The following PKD1 variants were observed in gnomAD, a reference collection of about 807,000 sequenced individuals.
The protein encoded by PKD1 is polycystin 1, transient receptor potential channel interacting, also known as polycystin-1.
A neutral mutation model predicts 361.7 loss-of-function variants in PKD1; 81 were observed. That is an observed-to-expected ratio of 0.22 (90% CI 0.19 to 0.27). The LOEUF (loss-of-function observed/expected upper bound fraction) is 0.27, where lower values mean the gene tolerates loss of function less well. PKD1 is among the 10% of genes least tolerant of loss of function. The pLI is 1.00. For missense variants in PKD1, 6,399 were observed against 6,118.3 expected (o/e 1.05, Z -1.53); for synonymous variants, 3,615 against 2,818.3 (o/e 1.28, Z -8.95).
Position 2,106,450 on chromosome 16 carries a change from G to C in PKD1, c.7437C>G (p.Phe2479Leu), listed in dbSNP as rs763775092. Residue 2479 changes from phenylalanine to leucine, a missense_variant, in exon 18 of 46, where the codon TTC becomes TTG. By Grantham distance (22) the Phe-to-Leu change is conservative. Coordinates refer to ENST00000262304, the MANE Select transcript of PKD1 (RefSeq NM_001009944.3). This position sits in a 1 kb window ranked among gnomAD's most constrained non-coding sequence, Gnocchi z 6.5. Reference protein sequence around the residue: ...RPPLGGSCRLFPLGAVHALTT... With the variant: ...RPPLGGSCRLLPLGAVHALTT... ...TGAGGGCGTGCACAGCGCCCAGTGG[G>C]AAGAGGCGGCAAGAGCCCCCCAGCG... The C allele has an allele frequency of 6.3e-7, 1 of 1,590,788 alleles. No homozygotes were observed. The highest frequency in any genetic ancestry group is 1.7e-5 in the Admixed American group (1 of 58,404).
intron 30 of PKD1, chr16:2,098,240 T>C (rs1299460160): frequency 1.1e-5 from 6 of 551,620 alleles, no homozygotes; most frequent in Non-Finnish European, 2.0e-5. Flanking sequence ...AGATGGAGTC[T>C]CGCTGTCACC....
rs1320095490 is a variant in PKD1, at chr16:2,109,096, C to T, written c.6071G>A (p.Arg2024His). 5.0e-6 allele frequency: 8 copies of T among 1,603,098 alleles called. No individual in the cohort carries two copies. In the South Asian group the frequency reaches 5.5e-5, roughly 11 times the overall value. Reference sequence around the variant, plus strand: ...GGCCACGGGCGTGTAGGTGACGTCGCGGCCCGACAGGATGACCAGCGAGTC... The same window carrying T: ...GGCCACGGGCGTGTAGGTGACGTCGTGGCCCGACAGGATGACCAGCGAGTC... ...QGDSLVILSG[R>H]DVTYTPVAAG... The change falls in exon 15 of 46, where the codon CGC becomes CAC. Residue 2024 changes from arginine to histidine, a missense_variant. Physicochemically the swap from Arg to His is conservative, Grantham distance 29. Transcript: ENST00000262304.
In PKD1 at chr16:2,111,241, G is replaced by C. The variant is rs771454676; in HGVS notation, c.3926C>G (p.Pro1309Arg). The C allele has an allele frequency of 6.2e-6, 10 of 1,610,810 alleles. No homozygotes were observed. The South Asian group carries it at 9.9e-5, about 16-fold the overall frequency. The change falls in exon 15 of 46, where the codon CCT becomes CGT. Residue 1309 changes from proline (P) to arginine (R), a missense_variant. By Grantham distance (103) the Pro-to-Arg change is moderately radical (BLOSUM62 -2). Coordinates refer to ENST00000262304, the MANE Select transcript of PKD1 (RefSeq NM_001009944.3). ...VEPAACIPTQ[P>R]DARLTAYVTG... is the part of the protein sequence containing the mutation. ...GACGTAGGCCGTGAGCCGCGCGTCAGGCTGCGTGGGGATGCAGGCGGCGGG... is the reference window on the plus strand; with the variant it reads ...GACGTAGGCCGTGAGCCGCGCGTCACGCTGCGTGGGGATGCAGGCGGCGGG...
rs752542616 is a variant in PKD1 at position 2,104,571 on chromosome 16, G to A, written c.8088C>T (p.Leu2696=). 6 of 1,601,312 alleles carry A rather than the reference G, an allele frequency of 3.7e-6. No individual in the cohort carries two copies. Among genetic ancestry groups the A allele is most frequent in the South Asian group, 2.2e-5 (2 of 89,846 alleles). ...QTLHKLEAMM[L]ILQAETTAGT... ...CCGCGGTGGTCTCTGCCTGCAGGAT[G>A]AGCATCATGGCCTCCAGCTTGTGCA... The change falls in exon 22 of 46, where the codon CTC becomes CTT. Residue 2696 remains leucine (L), a synonymous_variant. Transcript: ENST00000262304.
chr16:2,110,348 A>G lies in PKD1; in HGVS notation c.4819T>C (p.Phe1607Leu). The change falls in exon 15 of 46, where the codon TTC becomes CTC. Residue 1607 changes from phenylalanine (F) to leucine (L), a missense_variant. By Grantham distance (22) the Phe-to-Leu change is conservative. Transcript: ENST00000262304. Reference sequence around the variant, plus strand: ...TTCTCAGCCGTGACGATGATATTGAAGGTGCCCACGGAGCGGAAGGTGTAA... The same window carrying G: ...TTCTCAGCCGTGACGATGATATTGAGGGTGCCCACGGAGCGGAAGGTGTAA... The part of the protein sequence containing the change: ...ISYTFRSVGT[F>L]NIIVTAENEV... 2 of 1,612,636 alleles carry G rather than the reference A, an allele frequency of 1.2e-6. No individual in the cohort carries two copies. Among genetic ancestry groups the G allele is most frequent in the Non-Finnish European group, 1.7e-6 (2 of 1,179,846 alleles).
At chr16:2,107,240 G>A in intron 16 of PKD1, 1 of 493,476 alleles carries the variant, frequency 2.0e-6, no homozygotes, top group Non-Finnish European at 3.7e-6. Context: ...GGGGATGCGT[G>A]TGAGAAGAGA....
At chr16:2,119,071 C>A in intron 3 of PKD1, 43 bp downstream of exon 3, 1 of 1,058,720 alleles carries the variant, frequency 9.4e-7, no homozygotes, top group Non-Finnish European at 1.4e-6. Flanking sequence ...ATATTGGGGG[C>A]CTGGGGTCCA....
In PKD1 at chr16:2,114,379, C is replaced by G; in HGVS notation, c.2644G>C (p.Val882Leu). Residue 882 changes from valine (V) to leucine (L), a missense_variant, in exon 11 of 46, where the codon GTG (valine) becomes CTG (leucine). Val to Leu is a conservative substitution (Grantham distance 32). Transcript: ENST00000262304. ...TTGGTCTCCCAGGGGCAGCCGGGCA[C>G]GAAGGTGGCCACCAGGGCAGGGCAG... is the stretch of plus-strand genomic sequence containing the variant. ...NVCPALVATF[V>L]PGCPWETNDT... The G allele has an allele frequency of 6.2e-7, 1 of 1,609,050 alleles. No individual in the cohort carries two copies. Among genetic ancestry groups the G allele is most frequent in the South Asian group, 1.1e-5 (1 of 90,970 alleles).
intron 38 of PKD1, 119 bp downstream of exon 38, chr16:2,092,835 A>G (rs1295900888): frequency 8.0e-7 from 1 of 1,256,416 alleles, no homozygotes; most frequent in Non-Finnish European, 1.2e-6. Flanking sequence ...AGCAGCACCT[A>G]CCTCCAGTTC....
rs1376177111 is a variant in PKD1 at position 2,088,733 on chromosome 16, A to T, written c.*994T>A. 7 of 1,345,574 alleles carry T rather than the reference A, an allele frequency of 5.2e-6. No individual in the cohort carries two copies. Among genetic ancestry groups the T allele is most frequent in the Non-Finnish European group, 7.1e-6 (7 of 990,418 alleles). The allele number at this position is 1,345,574 out of a possible 1,614,324, so 83.4% of individuals were successfully genotyped here. A position where few individuals can be genotyped will look rare whatever the true frequency, so the allele number is the denominator to read the frequency against. ...TTGCAGTCAGACAGCTCTTTTATTG[A>T]CTTTGTCTGCTTGGTGCGGGGGTTG... On this transcript the variant is annotated 3_prime_UTR_variant, in exon 46 of 46. Coordinates refer to ENST00000262304, the MANE Select transcript of PKD1 (RefSeq NM_001009944.3).
Position 2,105,465 on chromosome 16 carries a change from C to G in PKD1, c.7873G>C (p.Ala2625Pro), listed in dbSNP as rs763679157. 3.1e-6 allele frequency: 5 copies of G among 1,595,022 alleles called. No individual in the cohort carries two copies. In the Admixed American group the frequency reaches 8.3e-5, roughly 27 times the overall value. Residue 2625 changes from alanine (A) to proline (P), a missense_variant, in exon 21 of 46, where the codon GCC (alanine) becomes CCC (proline). Ala to Pro is a conservative substitution (Grantham distance 27). Transcript: ENST00000262304. ...TTGGGCTCTGCCGCCACGTCCAGGG[C>G]CCGCTCGTACTGGGGCAGGCAGGGG... ...LVTVLNEYER[A>P]LDVAAEPKHE... is the part of the protein sequence containing the mutation.
Position 2,111,501 on chromosome 16 carries a change from G to C in PKD1, c.3666C>G (p.Ala1222=), listed in dbSNP as rs369869452. Reference sequence around the variant, plus strand: ...CCACCACGGGGGCGCCCTGCTCCACGGCCAGGCTCATGTCCACGCTGAGTC... The same window carrying C: ...CCACCACGGGGGCGCCCTGCTCCACCGCCAGGCTCATGTCCACGCTGAGTC... The part of the protein sequence containing the change: ...LRGLSVDMSL[A]VEQGAPVVVS... The change falls in exon 15 of 46, where the codon GCC becomes GCG. Residue 1222 remains alanine, a synonymous_variant. Coordinates refer to ENST00000262304, the MANE Select transcript of PKD1 (RefSeq NM_001009944.3). 1.2e-5 allele frequency: 19 copies of C among 1,610,668 alleles called. No individual in the cohort carries two copies. Among genetic ancestry groups the C allele is most frequent in the Non-Finnish European group, 1.4e-5 (17 of 1,179,198 alleles).
In PKD1 at chr16:2,104,599, G is replaced by A. The variant is rs148642998; in HGVS notation, c.8060C>T (p.Thr2687Met). Residue 2687 changes from threonine (T) to methionine (M), a missense_variant, in exon 22 of 46, where the codon ACG (threonine) becomes ATG (methionine). Physicochemically the swap from Thr to Met is moderately conservative, Grantham distance 81. Transcript: ENST00000262304. ...CATCATGGCCTCCAGCTTGTGCAGC[G>A]TCTGCTTCAGGCACGAGCGGCATAC... ...ELVCRSCLKQ[T>M]LHKLEAMMLI... 1.9e-4 allele frequency: 301 copies of A among 1,594,158 alleles called. 2 individuals carry two copies. Among genetic ancestry groups the A allele is most frequent in the African/African-American group, 1.3e-3 (95 of 73,286 alleles).
At position 2,091,432 on chromosome 16, in the gene PKD1, C is replaced by A. The variant is rs2091571949; in HGVS notation, c.11703G>T (p.Leu3901=). 1.0e-5 allele frequency: 12 copies of A among 1,182,906 alleles called. No individual in the cohort carries two copies. Among genetic ancestry groups the A allele is most frequent in the Middle Eastern group, 7.0e-4 (2 of 2,856 alleles). The allele number at this position is 1,182,906 out of a possible 1,614,324, so 73.3% of individuals were successfully genotyped here. A position where few individuals can be genotyped will look rare whatever the true frequency, so the allele number is the denominator to read the frequency against. The part of the protein sequence containing the change: ...RRLSAGLSLP[L]LTSVCLLLFA... ...CCGGGGACGGGCGTACCGAGGTGAGCAGAGGCAGCGAGAGGCCCGCGCTGA... is the reference window on the plus strand; with the variant it reads ...CCGGGGACGGGCGTACCGAGGTGAGAAGAGGCAGCGAGAGGCCCGCGCTGA... Residue 3901 remains leucine (L), a synonymous_variant, in exon 42 of 46, where the codon CTG becomes CTT. Coordinates refer to ENST00000262304, the MANE Select transcript of PKD1 (RefSeq NM_001009944.3).
At position 2,104,453 on chromosome 16, in the gene PKD1, G is replaced by A. The variant is rs112986177; in HGVS notation, c.8161+45C>T. ...GGGGGAGGAGGGAGGCAGAGGAAAG[G>A]GCCGCACGGGGCGGGCGGGTGGCAT... On this transcript the variant is annotated intron_variant, in intron 22 of 45. Transcript: ENST00000262304. 14 of 1,457,140 alleles carry A rather than the reference G, an allele frequency of 9.6e-6. 1 individual carries two copies. In the African/African-American group the frequency reaches 1.7e-4, roughly 18 times the overall value. The allele number at this position is 1,457,140 out of a possible 1,614,324, so 90.3% of individuals were successfully genotyped here. A position where few individuals can be genotyped will look rare whatever the true frequency, so the allele number is the denominator to read the frequency against.
chr16:2,122,222 T>C (rs989008438), intron 1 of PKD1, among the ~76,000 whole-genome samples: 4 of 152,198 alleles, frequency 2.6e-5, no homozygotes, highest in African/African-American at 9.7e-5. Flanking sequence ...CCCAGACAGA[T>C]GAGACGCTGG....
rs2091642915 is a variant in PKD1, at chr16:2,092,507, G to A, written c.11242C>T (p.Arg3748Trp). The A allele has an allele frequency of 6.2e-7, 1 of 1,611,608 alleles. No individual in the cohort carries two copies. The highest frequency in any genetic ancestry group is 8.5e-7 in the Non-Finnish European group (1 of 1,178,954). ...TCCTGCAGCCGCACCTGCCGCAGCC[G>A]TGGGGGCCCCAGCTCTGGGCTGGAC... ...NQSSPELGPPRLRQVRLQEAL... is the reference protein window; with the variant it reads ...NQSSPELGPPWLRQVRLQEAL... The change falls in exon 39 of 46, where the codon CGG (arginine) becomes TGG (tryptophan). Residue 3748 changes from arginine to tryptophan, a missense_variant. Transcript: ENST00000262304.
chr16:2,093,241 G>T (rs1596486720), intron 37 of PKD1, 148 bp from the exon 38 acceptor site: 1 of 941,132 alleles, frequency 1.1e-6, no homozygotes, highest in Non-Finnish European at 1.7e-6. Context: ...CCTGGCCAGG[G>T]TAATGGCAGC....
At position 2,097,225 on chromosome 16, in the gene PKD1, C is replaced by T; in HGVS notation, c.10422G>A (p.Gln3474=). Residue 3474 remains glutamine, a synonymous_variant, in exon 34 of 46, where the codon CAG becomes CAA. Transcript: ENST00000262304. ...TGCTGACCCCCTCGGCAAGGACCTGCTGGATCAGGTCTTCATCTAGAGGTA... is the reference window on the plus strand; with the variant it reads ...TGCTGACCCCCTCGGCAAGGACCTGTTGGATCAGGTCTTCATCTAGAGGTA... ...SFSASDEDLI[Q]QVLAEGVSSP... The T allele has an allele frequency of 6.3e-7, 1 of 1,580,550 alleles. No homozygotes were observed. The highest frequency in any genetic ancestry group is 1.1e-5 in the South Asian group (1 of 87,038).
Sources: allele counts gnomAD v4.1 joint callset (sites outside exome capture counted in the v4.1 genomes callset), GRCh38; gene constraint gnomAD v4.1.1; non-coding constraint Gnocchi (gnomAD v3.1); transcripts MANE v1.5; gene names NCBI Gene and HGNC (gene_info 2026-07-23, HGNC 2026-07-21).